The following NUS1 variants were observed in gnomAD, a reference collection of about 807,000 sequenced individuals.
NUS1 encodes NUS1 dehydrodolichyl diphosphate synthase subunit, also known as dehydrodolichyl diphosphate synthase complex subunit NUS1.
For missense variants in NUS1, 292 were observed against 382.9 expected (o/e 0.76, Z 1.98); for synonymous variants, 135 against 155.2 (o/e 0.87, Z 0.97).
intron 3 of NUS1, among the ~76,000 whole-genome samples, chr6:117,697,478 C>T (rs61186676): frequency 0.11 from 16,933 of 151,834 alleles, 1,610 homozygotes; most frequent in African/African-American, 0.26. Context: ...TTTATGCCAA[C>T]GGAAACCCAA....
intron 1 of NUS1, 129 bp downstream of exon 1, chr6:117,676,214 G>T: frequency 7.1e-7 from 1 of 1,402,054 alleles, no homozygotes; most frequent in Non-Finnish European, 9.6e-7. Context: ...GCGCTTTCGA[G>T]GAAGGGAGAT....
Position 117,709,283 on chromosome 6 carries a change from C to T in NUS1, c.*2268C>T, listed in dbSNP as rs2114697631. ...GTGTCTTTATTTGTATTGGAAAATA[C>T]TGTCTTTAAATTGTTTCTTGTTGAC... On this transcript the variant is annotated 3_prime_UTR_variant, in exon 5 of 5. Coordinates refer to ENST00000368494, the MANE Select transcript of NUS1 (RefSeq NM_138459.5). The T allele has an allele frequency of 6.7e-6, 1 of 149,794 alleles. No homozygotes were observed. The allele number at this position is 149,794 out of a possible 1,614,324, so 9.3% of individuals were successfully genotyped here. A position where few individuals can be genotyped will look rare whatever the true frequency, so the allele number is the denominator to read the frequency against.
chr6:117,693,247 C>CCA (rs1340906523), intron 2 of NUS1, 80 bp downstream of exon 2: 1 of 1,351,414 alleles, frequency 7.4e-7, no homozygotes, highest in Non-Finnish European at 1.0e-6. Context: ...GTTACTCTGT[C>CCA]ATTTATTCAT....
intron 3 of NUS1, among the ~76,000 whole-genome samples, chr6:117,695,350 T>C (rs12200948): frequency 0.43 from 64,735 of 152,050 alleles, 17,390 homozygotes; most frequent in Non-Finnish European, 0.61. Flanking sequence ...AACTTCCTAC[T>C]TTTGTTGACT....
intron 4 of NUS1, among the ~76,000 whole-genome samples, chr6:117,705,336 G>A (rs1414613012): frequency 2.0e-5 from 3 of 152,164 alleles, no homozygotes; most frequent in Non-Finnish European, 4.4e-5. Flanking sequence ...GTGGTTTGGA[G>A]GGAAGAACAG....
chr6:117,695,923 A>G (rs1773312011), intron 3 of NUS1, among the ~76,000 whole-genome samples: 2 of 152,120 alleles, frequency 1.3e-5, no homozygotes, highest in East Asian at 3.9e-4. Flanking sequence ...TTTTCTAGAT[A>G]TACCACGTTT....
chr6:117,683,739 A>G (rs986499697), intron 1 of NUS1, among the ~76,000 whole-genome samples: 1 of 152,210 alleles, frequency 6.6e-6, no homozygotes, highest in African/African-American at 2.4e-5. Flanking sequence ...TAAAAATTCC[A>G]GTTTCAGATT....
At chr6:117,680,942 C>T (rs62431053) in intron 1 of NUS1, among the ~76,000 whole-genome samples, 9,209 of 152,242 alleles carry the variant, frequency 0.06, 348 homozygotes, top group African/African-American at 0.087. Flanking sequence ...CTCACAGTAA[C>T]ATTTTAAAAG....
intron 4 of NUS1, among the ~76,000 whole-genome samples, chr6:117,704,380 A>C (rs183331722): frequency 2.0e-5 from 3 of 152,324 alleles, no homozygotes; most frequent in Admixed American, 2.0e-4. Flanking sequence ...CAGTTTAGGC[A>C]AACTTTTTTT....
chr6:117,689,231 G>T (rs889458940), intron 1 of NUS1, among the ~76,000 whole-genome samples: 1 of 152,160 alleles, frequency 6.6e-6, no homozygotes, highest in African/African-American at 2.4e-5. Context: ...AGGAGAGGTA[G>T]TGAATATTCT....
At position 117,706,460 on chromosome 6, in the gene NUS1, AC is replaced by A. The variant is rs1209681084; in HGVS notation, c.792-464del. Among the ~76,000 whole-genome samples, 83 of 152,354 alleles carry A rather than the reference AC, an allele frequency of 5.4e-4. No individual in the cohort carries two copies. The South Asian group carries it at 0.016, about 30-fold the overall frequency. On this transcript the variant is annotated intron_variant, in intron 4 of 4. Transcript: ENST00000368494. ...TCTAGCTTTGCATTAATCTGAGCTTACGCTTTAACAAGTTATGAATCTCTCA... is the reference window on the plus strand; with the variant it reads ...TCTAGCTTTGCATTAATCTGAGCTTAGCTTTAACAAGTTATGAATCTCTCA...
rs750792063 is a variant in NUS1, at chr6:117,680,625, C to CT, written c.415+4541dup. On this transcript the variant is annotated intron_variant, in intron 1 of 4. Transcript: ENST00000368494. ...CCTGGGCGTCTCTGTTTTTATCAAGCTACCTGTATGATACTTCTGCACACT... is the reference window on the plus strand; with the variant it reads ...CCTGGGCGTCTCTGTTTTTATCAAGCTTACCTGTATGATACTTCTGCACACT... 4.4e-4 allele frequency among the ~76,000 whole-genome samples: 67 copies of CT among 152,338 alleles called. No homozygotes were observed. In the Middle Eastern group the frequency reaches 0.01, roughly 23 times the overall value.
Position 117,707,012 on chromosome 6 carries a change from G to C in NUS1, c.879G>C (p.Lys293Asn). Reference protein sequence around the residue: ...QYAACEQRLGK With the variant: ...QYAACEQRLGN ...CAGCCTGTGAACAGCGTCTGGGAAA[G>C]TAGTGGTCATTGGTTGCATAATTTG... Residue 293 changes from lysine (K) to asparagine (N), a missense_variant, in exon 5 of 5, where the codon AAG becomes AAC. Physicochemically the swap from Lys to Asn is moderately conservative, Grantham distance 94. Transcript: ENST00000368494. 1 of 1,612,020 alleles carries C rather than the reference G, an allele frequency of 6.2e-7. No homozygotes were observed. The highest frequency in any genetic ancestry group is 1.7e-5 in the Admixed American group (1 of 59,962).
chr6:117,705,800 C>T (rs756443587), intron 4 of NUS1, among the ~76,000 whole-genome samples: 9 of 151,990 alleles, frequency 5.9e-5, no homozygotes, highest in Admixed American at 5.9e-4. Context: ...CAAGCTTTAG[C>T]AAGAATAATG....
At position 117,675,946 on chromosome 6, in the gene NUS1, T is replaced by C; in HGVS notation, c.276T>C (p.Arg92=). 1 of 1,546,588 alleles carries C rather than the reference T, an allele frequency of 6.5e-7. No homozygotes were observed. Among genetic ancestry groups the C allele is most frequent in the Non-Finnish European group, 8.7e-7 (1 of 1,144,688 alleles). Residue 92 remains arginine (R), a synonymous_variant, in exon 1 of 5, where the codon CGT becomes CGC. Coordinates refer to ENST00000368494, the MANE Select transcript of NUS1 (RefSeq NM_138459.5). ...GGATGCGCTGGCGCGCGGACGGTCG[T>C]TCCTTGGAGAAGCTGCCTGTGCATA... ...HHRMRWRADG[R]SLEKLPVHMG...
chr6:117,702,187 AG>A (rs1773421020), intron 3 of NUS1, among the ~76,000 whole-genome samples: 1 of 152,210 alleles, frequency 6.6e-6, no homozygotes, highest in South Asian at 2.1e-4. Context: ...CTACAACCTC[AG>A]GCAAGTAAAG....
At chr6:117,697,287 A>G (rs540403734) in intron 3 of NUS1, among the ~76,000 whole-genome samples, 1 of 152,216 alleles carries the variant, frequency 6.6e-6, no homozygotes, top group African/African-American at 2.4e-5. Context: ...AAAACAAATA[A>G]CAAAATGGCA....
At chr6:117,702,153 T>G (rs1541317) in intron 3 of NUS1, among the ~76,000 whole-genome samples, 64,721 of 152,044 alleles carry the variant, frequency 0.43, 17,371 homozygotes, top group Non-Finnish European at 0.61. Flanking sequence ...ACTGTTAAAT[T>G]TCTTGCCATT....
At chr6:117,701,487 A>G (rs1354818758) in intron 3 of NUS1, among the ~76,000 whole-genome samples, 4 of 151,824 alleles carry the variant, frequency 2.6e-5, no homozygotes, top group African/African-American at 4.8e-5. Context: ...CTCGTGATCC[A>G]CCTGCCTCGG....
Sources: allele counts gnomAD v4.1 joint callset (sites outside exome capture counted in the v4.1 genomes callset), GRCh38; gene constraint gnomAD v4.1.1; transcripts MANE v1.5; gene names NCBI Gene and HGNC (gene_info 2026-07-23, HGNC 2026-07-21).